Variants in CYP4F2 observed in about 807,000 individuals in gnomAD.
The protein encoded by CYP4F2 is cytochrome P450 4F2.
In CYP4F2, 58 loss-of-function variants were observed where a neutral mutation model predicts 58.9. The observed-to-expected ratio is 0.98, with a 90% confidence interval of 0.80 to 1.23. The LOEUF is 1.23. Among genes scored for constraint, CYP4F2 ranks in the 50% most tolerant of loss-of-function variants. The pLI is 0.00. For synonymous variants in CYP4F2, 287 were observed against 261.1 expected (o/e 1.10, Z -0.95); for missense variants, 616 against 685.6 (o/e 0.90, Z 1.13).
At chr19:15,887,144 C>T (rs2089385008) in intron 7 of CYP4F2, among the ~76,000 whole-genome samples, 1 of 152,178 alleles carries the variant, frequency 6.6e-6, no homozygotes, top group Admixed American at 6.5e-5. Context: ...GAAACTGACA[C>T]AGACACACAA....
At chr19:15,892,631 G>A (rs1310727838) in intron 3 of CYP4F2, 49 bp from the exon 4 acceptor site, 15 of 1,594,532 alleles carry the variant, frequency 9.4e-6, no homozygotes, top group Non-Finnish European at 1.2e-5. Flanking sequence ...GTGAAAGAGG[G>A]ACTTTGGGGG....
Position 15,897,453 on chromosome 19 carries a change from T to C in CYP4F2, c.159A>G (p.Gln53=). 6.2e-7 allele frequency: 1 copy of C among 1,613,176 alleles called. No homozygotes were observed. Among genetic ancestry groups the C allele is most frequent in the Non-Finnish European group, 8.5e-7 (1 of 1,179,738 alleles). The change falls in exon 2 of 13, where the codon CAA becomes CAG. Residue 53 remains glutamine (Q), a synonymous_variant. Transcript: ENST00000221700. Reference sequence around the variant, plus strand: ...CCCAAAACCAGTTCCGTCTTGGGGGTTGTGGGAAACACCGAAGGCGGCGGC... The same window carrying C: ...CCCAAAACCAGTTCCGTCTTGGGGGCTGTGGGAAACACCGAAGGCGGCGGC... ...DNCRRLRCFP[Q]PPRRNWFWGH...
intron 3 of CYP4F2, among the ~76,000 whole-genome samples, chr19:15,895,226 C>CCTTA: frequency 6.6e-6 from 1 of 152,260 alleles, no homozygotes; most frequent in East Asian, 1.9e-4. Flanking sequence ...TATCTCTATC[C>CCTTA]AGGTCCATCT....
At position 15,897,594 on chromosome 19, in the gene CYP4F2, C is replaced by G. The variant is rs2089456053; in HGVS notation, c.18G>C (p.Leu6=). MSQLS[L]SWLGLWPVAA... is the part of the protein sequence containing the mutation. ...CCACTGGCCAGAGGCCCAGCCAGGA[C>G]AGGCTCAGCTGGGACATCCTGCAGG... is the stretch of plus-strand genomic sequence containing the variant. Residue 6 remains leucine, a synonymous_variant, in exon 2 of 13, where the codon CTG becomes CTC. Coordinates refer to ENST00000221700, the MANE Select transcript of CYP4F2 (RefSeq NM_001082.5). The G allele has an allele frequency of 6.2e-7, 1 of 1,613,742 alleles. No individual in the cohort carries two copies. The highest frequency in any genetic ancestry group is 8.5e-7 in the Non-Finnish European group (1 of 1,179,884).
intron 9 of CYP4F2, among the ~76,000 whole-genome samples, chr19:15,882,015 G>C (rs2089348965): frequency 6.6e-6 from 1 of 151,954 alleles, no homozygotes; most frequent in Admixed American, 6.6e-5. Context: ...GAGGCCAAGG[G>C]CGGCAGATCA....
In CYP4F2 at chr19:15,879,772, A is replaced by C; in HGVS notation, c.1241T>G (p.Ile414Ser). 6.2e-7 allele frequency: 1 copy of C among 1,614,064 alleles called. No individual in the cohort carries two copies. The highest frequency in any genetic ancestry group is 8.5e-7 in the Non-Finnish European group (1 of 1,179,986). ...QDIVLPDGRV[I>S]PKGIICLISV... ...CGTGAGGCTGTGAGCACCTTTGGGGATGACCCGGCCGTCTGGGAGCACAAT... is the reference window on the plus strand; with the variant it reads ...CGTGAGGCTGTGAGCACCTTTGGGGCTGACCCGGCCGTCTGGGAGCACAAT... Residue 414 changes from isoleucine to serine, a missense_variant, in exon 10 of 13, where the codon ATC becomes AGC. By Grantham distance (142) the Ile-to-Ser change is moderately radical (BLOSUM62 -2). Coordinates refer to ENST00000221700, the MANE Select transcript of CYP4F2 (RefSeq NM_001082.5).
chr19:15,893,564 C>T (rs772916985), intron 3 of CYP4F2, among the ~76,000 whole-genome samples: 3 of 152,200 alleles, frequency 2.0e-5, no homozygotes, highest in African/African-American at 4.8e-5. Flanking sequence ...TGTAGAGACA[C>T]GCCCCAGACA....
Position 15,878,867 on chromosome 19 carries a change from G to C in CYP4F2, c.1467C>G (p.Phe489Leu), listed in dbSNP as rs776263021. ...GCTCGGTGTGGTCAGGCAGGACGCG[G>C]AAGCGCAGCAGCGTGAGCGCCAGGA... is the stretch of plus-strand genomic sequence containing the variant. ...KVVLALTLLR[F>L]RVLPDHTEPR... The change falls in exon 13 of 13, where the codon TTC becomes TTG. Residue 489 changes from phenylalanine to leucine, a missense_variant. By Grantham distance (22) the Phe-to-Leu change is conservative. Coordinates refer to ENST00000221700, the MANE Select transcript of CYP4F2 (RefSeq NM_001082.5). The C allele has an allele frequency of 1.9e-5, 31 of 1,613,928 alleles. No homozygotes were observed. The highest frequency in any genetic ancestry group is 2.6e-5 in the Non-Finnish European group (31 of 1,179,998).
intron 2 of CYP4F2, 81 bp downstream of exon 2, chr19:15,897,330 CCTT>C: frequency 8.0e-7 from 1 of 1,250,490 alleles, no homozygotes; most frequent in Non-Finnish European, 1.1e-6. Flanking sequence ...CCAGCCCACC[CCTT>C]CACCCCCACT....
intron 7 of CYP4F2, among the ~76,000 whole-genome samples, chr19:15,888,106 A>G (rs899190811): frequency 1.3e-5 from 2 of 152,242 alleles, no homozygotes; most frequent in African/African-American, 2.4e-5. Flanking sequence ...ATAAACACAG[A>G]CATAGACACA....
intron 9 of CYP4F2, among the ~76,000 whole-genome samples, chr19:15,885,681 C>T (rs1336215541): frequency 6.6e-6 from 1 of 151,852 alleles, no homozygotes; most frequent in Non-Finnish European, 1.5e-5. Context: ...GTCTAAGTGG[C>T]GTTATCTGTC....
At chr19:15,895,744 A>T (rs2089443825) in intron 2 of CYP4F2, 94 bp from the exon 3 acceptor site, 1 of 1,471,514 alleles carries the variant, frequency 6.8e-7, no homozygotes, top group Admixed American at 2.7e-5. Flanking sequence ...TTGGTCAAAC[A>T]TTATTTCTGG....
Position 15,892,602 on chromosome 19 carries a change from T to C in CYP4F2, c.344-20A>G. 1 of 1,611,018 alleles carries C rather than the reference T, an allele frequency of 6.2e-7. No individual in the cohort carries two copies. Among genetic ancestry groups the C allele is most frequent in the South Asian group, 1.1e-5 (1 of 90,472 alleles). On this transcript the variant is annotated intron_variant, in intron 3 of 12. Transcript: ENST00000221700. The stretch of plus-strand genomic sequence containing the variant: ...TGGCAGCTGACATAAATGAGGACAA[T>C]CAGGGGCCATGGAGGCAGGTGAAAG...
intron 9 of CYP4F2, among the ~76,000 whole-genome samples, chr19:15,885,617 G>T (rs1400994644): frequency 5.3e-5 from 8 of 151,870 alleles, no homozygotes; most frequent in Admixed American, 5.3e-4. Flanking sequence ...CAAAAAAAAT[G>T]ATATTTCTGG....
chr19:15,886,251 T>A lies in CYP4F2; in HGVS notation c.976A>T (p.Met326Leu). 6.2e-7 allele frequency: 1 copy of A among 1,613,958 alleles called. No homozygotes were observed. Among genetic ancestry groups the A allele is most frequent in the Non-Finnish European group, 8.5e-7 (1 of 1,179,976 alleles). Reference protein sequence around the residue: ...EDIRAEADTFMFEGHDTTASG... With the variant: ...EDIRAEADTFLFEGHDTTASG... The stretch of plus-strand genomic sequence containing the variant: ...ACACTGGGGCCCTCACCCTCAAACA[T>A]AAAGGTGTCAGCTTCTGCTCTTATG... Residue 326 changes from methionine (M) to leucine (L), a missense_variant, in exon 8 of 13, where the codon ATG (methionine) becomes TTG (leucine). Physicochemically the swap from Met to Leu is conservative, Grantham distance 15. Transcript: ENST00000221700.
At chr19:15,893,996 C>T (rs2089433174) in intron 3 of CYP4F2, 1 of 219,198 alleles carries the variant, frequency 4.6e-6, no homozygotes. Flanking sequence ...ATCTCATCCT[C>T]CTGTCAGTGC....
rs772066731 is a variant in CYP4F2 at position 15,890,349 on chromosome 19, G to A, written c.610C>T (p.Gln204Ter). 53 of 1,614,000 alleles carry A rather than the reference G, an allele frequency of 3.3e-5. No homozygotes were observed. Among genetic ancestry groups the A allele is most frequent in the Non-Finnish European group, 4.1e-5 (48 of 1,180,006 alleles). The change falls in exon 6 of 13, where the codon CAG (glutamine) becomes TAG (stop). Residue 204 changes from glutamine to a stop codon, truncating the protein, a stop_gained. Coordinates refer to ENST00000221700, the MANE Select transcript of CYP4F2 (RefSeq NM_001082.5). LOFTEE classifies it high-confidence loss of function. The stretch of plus-strand genomic sequence containing the variant: ...CTGTCAAAGCTGAAGACACATTTCT[G>A]TAGACTGTCCAAGGTCATGAGGCTG... ...HISLMTLDSLQKCVFSFDSHC... is the reference protein window; with the variant it reads ...HISLMTLDSL
rs1424968125 is a variant in CYP4F2, at chr19:15,890,251, T to G, written c.647+61A>C. ...TCTGGTTTCCCTGCTTAGTCCTCCC[T>G]CTCCCACCTACCCACTTTGGGTCCA... On this transcript the variant is annotated intron_variant, in intron 6 of 12. Coordinates refer to ENST00000221700, the MANE Select transcript of CYP4F2 (RefSeq NM_001082.5). The G allele has an allele frequency of 2.5e-6, 4 of 1,611,770 alleles. No homozygotes were observed. The African/African-American group carries it at 4.0e-5, about 16-fold the overall frequency.
Position 15,890,443 on chromosome 19 carries a change from G to A in CYP4F2, c.526-10C>T. The A allele has an allele frequency of 6.2e-7, 1 of 1,613,888 alleles. No homozygotes were observed. The highest frequency in any genetic ancestry group is 2.2e-5 in the East Asian group (1 of 44,810). On this transcript the variant is annotated splice_polypyrimidine_tract_variant and intron_variant, in intron 5 of 12. Transcript: ENST00000221700. ...GGAGCTGCCACTTGGCCTAGCCAGA[G>A]AAGGGGACAGAGCTGGGGCAGGCTC... is the stretch of plus-strand genomic sequence containing the variant.
Sources: allele counts gnomAD v4.1 joint callset (sites outside exome capture counted in the v4.1 genomes callset), GRCh38; gene constraint gnomAD v4.1.1; transcripts MANE v1.5; gene names NCBI Gene and HGNC (gene_info 2026-07-23, HGNC 2026-07-21).